ANK1: variants seen among roughly 807,000 people sequenced by gnomAD.
ANK1 encodes ankyrin-1.
In ANK1, 51 loss-of-function variants were observed where a neutral mutation model predicts 210.4. The observed-to-expected ratio is 0.24, with a 90% confidence interval of 0.19 to 0.31. The LOEUF is 0.31. Among genes scored for constraint, ANK1 ranks in the 10% least tolerant of loss-of-function variants. The pLI is 1.00. For synonymous variants in ANK1, 967 were observed against 1,025.9 expected (o/e 0.94, Z 1.10); for missense variants, 2,051 against 2,504.4 (o/e 0.82, Z 3.86).
At chr8:41,776,550 T>G (rs1844091309) in intron 1 of ANK1, among the ~76,000 whole-genome samples, 1 of 152,024 alleles carries the variant, frequency 6.6e-6, no homozygotes, top group Non-Finnish European at 1.5e-5. Context: ...CCCACAATGA[T>G]CCTAGACTCC....
chr8:41,690,404 C>G, intron 32 of ANK1, 58 bp from the exon 33 acceptor site: 1 of 1,614,204 alleles, frequency 6.2e-7, no homozygotes, highest in Non-Finnish European at 8.5e-7. Flanking sequence ...ACCCGGCTGT[C>G]TGGTTTAGGG....
chr8:41,853,818 T>G lies in ANK1; in HGVS notation c.126+42537A>C, dbSNP rs906764986. Among the ~76,000 whole-genome samples the G allele has an allele frequency of 3.9e-5, 6 of 152,170 alleles. No homozygotes were observed. In the South Asian group the frequency reaches 1.2e-3, roughly 32 times the overall value. On this transcript the variant is annotated intron_variant, in intron 1 of 42. Coordinates refer to the ANK1 transcript ENST00000265709. ...TTCTGTCACCCAGGCTAGAGTTCAG[T>G]GGTGCGATCATAGCTCACTGCAGCC... is the stretch of plus-strand genomic sequence containing the variant.
In ANK1 at chr8:41,698,044, T is replaced by G; in HGVS notation, c.2636A>C (p.Gln879Pro). ...TVVIRSEEQE[Q>P]ASKEYDEDSL... ...AACCACAGAGAAGGAGCTTCTCACC[T>G]GCTCCTGCTCTTCTGACCTGATCAC... The change falls in exon 24 of 43, where the codon CAG (glutamine) becomes CCG (proline). Residue 879 changes from glutamine to proline, a missense_variant and splice_region_variant. Gln to Pro is a moderately conservative substitution (Grantham distance 76). This residue lies in a region of ANK1 where 1,413 missense variants were observed against 1,707.4 expected (regional missense o/e 0.83). Transcript: ENST00000289734. 6.2e-7 allele frequency: 1 copy of G among 1,613,998 alleles called. No individual in the cohort carries two copies. Among genetic ancestry groups the G allele is most frequent in the Non-Finnish European group, 8.5e-7 (1 of 1,179,910 alleles).
chr8:41,758,962 C>A (rs1839829249), intron 1 of ANK1, among the ~76,000 whole-genome samples: 1 of 152,058 alleles, frequency 6.6e-6, no homozygotes, highest in African/African-American at 2.4e-5. Context: ...AACTCCTGGG[C>A]TCAAGCAATC....
chr8:41,665,239 T>G (rs1446077869), intron 39 of ANK1: 26 of 1,514,274 alleles, frequency 1.7e-5, no homozygotes, highest in Non-Finnish European at 2.2e-5. Context: ...CCGGCCCAAG[T>G]GCCCTTCTGC....
intron 37 of ANK1, among the ~76,000 whole-genome samples, chr8:41,678,540 T>G (rs1039646998): frequency 6.6e-6 from 1 of 152,260 alleles, no homozygotes; most frequent in African/African-American, 2.4e-5. Context: ...CACTTTGTGT[T>G]TCTCCAAAAC....
intron 37 of ANK1, 83 bp downstream of exon 37, chr8:41,684,461 G>A (rs777219846): frequency 1.5e-5 from 23 of 1,579,664 alleles, no homozygotes; most frequent in Admixed American, 8.3e-5. Flanking sequence ...GAGGGATGAC[G>A]TATTGTGGGA....
Position 41,715,819 on chromosome 8 carries a change from G to T in ANK1, c.1435C>A (p.Arg479Ser), listed in dbSNP as rs141945303. The T allele has an allele frequency of 1.2e-6, 2 of 1,614,222 alleles. No individual in the cohort carries two copies. Among genetic ancestry groups the T allele is most frequent in the South Asian group, 2.2e-5 (2 of 91,080 alleles). ...DDQTPLHCAA[R>S]IGHTNMVKLL... The stretch of plus-strand genomic sequence containing the variant: ...TTCACCATGTTTGTGTGGCCGATGC[G>T]AGCTGCACAGTGAAGTGGGGTCTGG... The change falls in exon 14 of 43, where the codon CGC becomes AGC. Residue 479 changes from arginine (R) to serine (S), a missense_variant. Arg to Ser is a moderately radical substitution (Grantham distance 110). Coordinates refer to ENST00000289734, the MANE Select transcript of ANK1 (RefSeq NM_000037.4).
At chr8:41,723,896 T>A (rs1213279005) in intron 7 of ANK1, among the ~76,000 whole-genome samples, 1 of 151,314 alleles carries the variant, frequency 6.6e-6, no homozygotes, top group Non-Finnish European at 1.5e-5. Context: ...TTCACGCCAT[T>A]CTCCTGCCTC....
At chr8:41,726,676 T>G (rs1256286635) in intron 5 of ANK1, among the ~76,000 whole-genome samples, 1 of 152,186 alleles carries the variant, frequency 6.6e-6, no homozygotes. Flanking sequence ...CATGAGCCAC[T>G]GCGCTTGGCC....
At chr8:41,858,345 CAAA>C (rs59851207) in intron 1 of ANK1, among the ~76,000 whole-genome samples, 66 of 96,936 alleles carry the variant, frequency 6.8e-4, no homozygotes, top group East Asian at 1.6e-3. Flanking sequence ...GACTCCATCT[CAAA>C]AAAAAAAAAA....
intron 42 of ANK1, among the ~76,000 whole-genome samples, chr8:41,659,180 T>A (rs1049597293): frequency 1.3e-5 from 2 of 152,200 alleles, no homozygotes; most frequent in African/African-American, 2.4e-5. Context: ...GTCCATTCCC[T>A]CCTTAAGGAA....
chr8:41,866,710 T>A (rs1179029580), intron 1 of ANK1, among the ~76,000 whole-genome samples: 1 of 152,262 alleles, frequency 6.6e-6, no homozygotes, highest in African/African-American at 2.4e-5. Flanking sequence ...GTACAGAGTT[T>A]GTCCTTTTGT....
At chr8:41,845,570 G>T (rs1337146282) in intron 1 of ANK1, among the ~76,000 whole-genome samples, 3 of 151,946 alleles carry the variant, frequency 2.0e-5, no homozygotes, top group African/African-American at 7.3e-5. Context: ...GAAGAGTCTG[G>T]GGCTTGGGGG....
intron 20 of ANK1, among the ~76,000 whole-genome samples, chr8:41,702,535 C>G (rs1823135939): frequency 6.6e-6 from 1 of 152,190 alleles, no homozygotes; most frequent in East Asian, 1.9e-4. Context: ...TTGCTGCTCC[C>G]AAAGTCTGTT....
chr8:41,688,371 G>A (rs1357359964), intron 34 of ANK1, 140 bp downstream of exon 34: 7 of 1,415,866 alleles, frequency 4.9e-6, no homozygotes, highest in Middle Eastern at 2.1e-4. Flanking sequence ...GGGAAGACCC[G>A]AGTCAGCTCT....
In ANK1 at chr8:41,661,864, C is replaced by T. The variant is rs1391547449; in HGVS notation, c.5544+12G>A. The T allele has an allele frequency of 2.5e-6, 4 of 1,614,014 alleles. No individual in the cohort carries two copies. Reference sequence around the variant, plus strand: ...GCTCACTGGGATCCTCCAGGGGCCCCTCTACAGTCACCTCCTCGTGCTCCT... The same window carrying T: ...GCTCACTGGGATCCTCCAGGGGCCCTTCTACAGTCACCTCCTCGTGCTCCT... On this transcript the variant is annotated intron_variant, in intron 41 of 42. Transcript: ENST00000289734.
chr8:41,892,568 A>G (rs1819662695), intron 1 of ANK1, among the ~76,000 whole-genome samples: 1 of 152,206 alleles, frequency 6.6e-6, no homozygotes, highest in Non-Finnish European at 1.5e-5. Context: ...CCTGCAAGGA[A>G]CTAACTACAT....
At chr8:41,845,148 G>A (rs187567625) in intron 1 of ANK1, among the ~76,000 whole-genome samples, 85 of 152,288 alleles carry the variant, frequency 5.6e-4, no homozygotes, top group African/African-American at 1.8e-3. Context: ...ACTTTGGGAG[G>A]CCGAGGCAGG....
Sources: allele counts gnomAD v4.1 joint callset (sites outside exome capture counted in the v4.1 genomes callset), GRCh38; gene constraint gnomAD v4.1.1; regional missense constraint gnomAD v4.1.1; transcripts MANE v1.5; gene names NCBI Gene and HGNC (gene_info 2026-07-23, HGNC 2026-07-21).